TENM3: variants seen among roughly 807,000 people sequenced by gnomAD.
The protein encoded by TENM3 is teneurin transmembrane protein 3.
TENM3 carries 63 observed loss-of-function variants against 255.1 expected under a neutral mutation model. That is an observed-to-expected ratio of 0.25 (90% CI 0.20 to 0.30). TENM3 has a LOEUF of 0.30. Ranked by LOEUF, TENM3 falls within the 10% of genes least tolerant of loss-of-function variation. TENM3 has a pLI of 1.00. For synonymous variants in TENM3, 1,306 were observed against 1,322.3 expected, an observed-to-expected ratio of 0.99 and a Z score of 0.27; for missense variants, 2,929 against 3,461.1, an observed-to-expected ratio of 0.85 and a Z score of 3.86.
chr4:181,603,611 G>C, the TENM3 span, among the ~76,000 whole-genome samples: 2 of 152,192 alleles, frequency 1.3e-5, no homozygotes, highest in Admixed American at 1.3e-4. Context: ...AAAATGATAT[G>C]AAATATAGAA....
At chr4:182,741,467 G>A (rs1458955714) in intron 18 of TENM3, among the ~76,000 whole-genome samples, 1 of 152,194 alleles carries the variant, frequency 6.6e-6, no homozygotes, top group Non-Finnish European at 1.5e-5. Context: ...TCATCTTTCT[G>A]TTCTGTCATC....
chr4:182,321,992 T>TA (rs1763084624), intron 1 of TENM3, among the ~76,000 whole-genome samples: 1 of 152,122 alleles, frequency 6.6e-6, no homozygotes, highest in Admixed American at 6.6e-5. Context: ...TTTGTTGGAA[T>TA]AAAAAGAGTG....
At chr4:181,515,875 A>G in the TENM3 span, among the ~76,000 whole-genome samples, 4 of 152,204 alleles carry the variant, frequency 2.6e-5, no homozygotes, top group Non-Finnish European at 2.9e-5. Flanking sequence ...AAATCATTCT[A>G]TTACAAAGAT....
At chr4:182,070,823 C>T in the TENM3 span, among the ~76,000 whole-genome samples, 1 of 152,136 alleles carries the variant, frequency 6.6e-6, no homozygotes, top group Non-Finnish European at 1.5e-5. Flanking sequence ...ACAGATATTC[C>T]ACAACATCCT....
At chr4:182,060,605 T>A in the TENM3 span, among the ~76,000 whole-genome samples, 1 of 152,144 alleles carries the variant, frequency 6.6e-6, no homozygotes, top group African/African-American at 2.4e-5. Flanking sequence ...GCCCAGACAT[T>A]GAAGACCCCC....
the TENM3 span, among the ~76,000 whole-genome samples, chr4:181,755,675 G>A: frequency 6.6e-6 from 1 of 152,044 alleles, no homozygotes; most frequent in South Asian, 2.1e-4. Context: ...TATAACATAT[G>A]TGGCTAAGTG....
intron 3 of TENM3, among the ~76,000 whole-genome samples, chr4:182,362,362 G>A (rs377283691): frequency 0.018 from 1,074 of 59,646 alleles, 5 homozygotes; most frequent in East Asian, 0.054. Flanking sequence ...TTGAGCTGTG[G>A]TGGGCTCTAC....
In TENM3 at chr4:182,732,028, A is replaced by G. The variant is rs371877067; in HGVS notation, c.2967+889A>G. The stretch of plus-strand genomic sequence containing the variant: ...CATCTCCTGACCTCGTGATCCGCCC[A>G]CCTTGACCTCCCAAAGTGCTGGGAT... On this transcript the variant is annotated intron_variant, in intron 16 of 27. Coordinates refer to ENST00000511685, the MANE Select transcript of TENM3 (RefSeq NM_001080477.4). Among the ~76,000 whole-genome samples the G allele has an allele frequency of 2.4e-4, 37 of 151,940 alleles. 1 individual carries two copies. The highest frequency in any genetic ancestry group is 2.1e-3 in the East Asian group (11 of 5,178).
the TENM3 span, among the ~76,000 whole-genome samples, chr4:181,673,845 GGT>G: frequency 0.29 from 38,907 of 136,466 alleles, 5,697 homozygotes; most frequent in East Asian, 0.57. Flanking sequence ...AGAAGTGTGT[GGT>G]GTGTGTGTGT....
At chr4:182,453,924 A>C (rs1773676614) in intron 3 of TENM3, among the ~76,000 whole-genome samples, 1 of 152,176 alleles carries the variant, frequency 6.6e-6, no homozygotes, top group Non-Finnish European at 1.5e-5. Flanking sequence ...TTCTGCTTCA[A>C]AGTTGTACAT....
intron 4 of TENM3, among the ~76,000 whole-genome samples, chr4:182,619,772 G>A (rs1475120873): frequency 6.6e-6 from 1 of 152,172 alleles, no homozygotes; most frequent in Non-Finnish European, 1.5e-5. Context: ...GTCTCTGATA[G>A]TCTCTCTTCA....
intron 3 of TENM3, among the ~76,000 whole-genome samples, chr4:182,456,230 T>C (rs72701911): frequency 0.045 from 6,787 of 152,346 alleles, 203 homozygotes; most frequent in Non-Finnish European, 0.067. Flanking sequence ...AACTGGCCTG[T>C]CCGTGCTGTC....
intron 3 of TENM3, among the ~76,000 whole-genome samples, chr4:182,444,864 G>T (rs561976500): frequency 1.3e-5 from 2 of 152,094 alleles, no homozygotes; most frequent in East Asian, 1.9e-4. Flanking sequence ...GCAATGGCGC[G>T]ATCTGGGCTC....
At chr4:181,703,392 A>C in the TENM3 span, among the ~76,000 whole-genome samples, 1 of 152,244 alleles carries the variant, frequency 6.6e-6, no homozygotes, top group African/African-American at 2.4e-5. Flanking sequence ...TATTATTTCT[A>C]ACATACGTGA....
At chr4:181,802,622 AC>A in the TENM3 span, among the ~76,000 whole-genome samples, 5 of 152,194 alleles carry the variant, frequency 3.3e-5, no homozygotes, top group African/African-American at 4.8e-5. Context: ...ATCTTGATGC[AC>A]TTTTCCTCTG....
At chr4:182,203,213 ATC>A (rs1754315129) in intron 1 of TENM3, among the ~76,000 whole-genome samples, 4 of 151,440 alleles carry the variant, frequency 2.6e-5, no homozygotes, top group Non-Finnish European at 5.9e-5. Flanking sequence ...GTGAAACTCC[ATC>A]TCAAAAAAAA....
chr4:181,599,577 A>C, the TENM3 span, among the ~76,000 whole-genome samples: 1 of 152,208 alleles, frequency 6.6e-6, no homozygotes, highest in Non-Finnish European at 1.5e-5. Context: ...TTGTATATAC[A>C]AGCAAGAATT....
chr4:181,633,569 A>T, the TENM3 span, among the ~76,000 whole-genome samples: 1 of 151,096 alleles, frequency 6.6e-6, no homozygotes, highest in Non-Finnish European at 1.5e-5. Flanking sequence ...GAGAATTATC[A>T]AATTGTTATA....
chr4:182,236,816 A>G (rs951667184), intron 1 of TENM3, among the ~76,000 whole-genome samples: 15 of 152,192 alleles, frequency 9.9e-5, no homozygotes, highest in African/African-American at 3.4e-4. Context: ...TGTATTCTGT[A>G]TGCAATATTA....
Sources: allele counts gnomAD v4.1 joint callset (sites outside exome capture counted in the v4.1 genomes callset), GRCh38; gene constraint gnomAD v4.1.1; transcripts MANE v1.5; gene names NCBI Gene and HGNC (gene_info 2026-07-23, HGNC 2026-07-21).